Variants in TMEM217 observed in about 807,000 individuals in gnomAD.
TMEM217 encodes the protein chromosome 6 open reading frame 128.
For missense variants in TMEM217, 204 were observed against 248.8 expected, an observed-to-expected ratio of 0.82 and a Z score of 1.21; for synonymous variants, 76 against 88.3, an observed-to-expected ratio of 0.86 and a Z score of 0.78.
downstream of TMEM217, among the ~76,000 whole-genome samples, chr6:37,213,571 C>T (rs1435688816): frequency 1.3e-5 from 2 of 152,278 alleles, no homozygotes; most frequent in Non-Finnish European, 2.9e-5. Flanking sequence ...CCAGGCAAGA[C>T]TCTGCCCAGG....
downstream of TMEM217, among the ~76,000 whole-genome samples, chr6:37,213,730 C>T (rs1486793279): frequency 2.0e-5 from 3 of 152,236 alleles, no homozygotes; most frequent in African/African-American, 7.2e-5. Flanking sequence ...CTGCTGAGGG[C>T]ATGTTGATAA....
At chr6:37,224,354 T>C (rs980242224) in intron 1 of TMEM217, among the ~76,000 whole-genome samples, 2 of 151,176 alleles carry the variant, frequency 1.3e-5, no homozygotes, top group African/African-American at 4.9e-5. Flanking sequence ...ATCCCAGCAC[T>C]TTGGGAGGCT....
At position 37,232,666 on chromosome 6, in the gene TMEM217, A is replaced by G. The variant is rs565545635; in HGVS notation, c.-11-13625T>C. On this transcript the variant is annotated intron_variant, in intron 1 of 1. Coordinates refer to ENST00000357219, the Ensembl canonical transcript of TMEM217. The stretch of plus-strand genomic sequence containing the variant: ...CCAGATCCACAAACCCCATTTCCAC[A>G]TATACACTCCCTTCCTTTGTTACAA... 2.2e-4 allele frequency among the ~76,000 whole-genome samples: 33 copies of G among 152,272 alleles called. No individual in the cohort carries two copies. In the East Asian group the frequency reaches 6.2e-3, roughly 28 times the overall value.
At chr6:37,216,881 C>T (rs1048798299), downstream of TMEM217, among the ~76,000 whole-genome samples, 1 of 152,152 alleles carries the variant, frequency 6.6e-6, no homozygotes, top group African/African-American at 2.4e-5. Flanking sequence ...ACAGTGTTTG[C>T]ACCATCTTAG....
exon 4 of TMEM217, chr6:37,212,605 T>A (rs1177759440): frequency 8.2e-6 from 4 of 487,462 alleles, no homozygotes; most frequent in South Asian, 6.2e-5. Flanking sequence ...GAAGATCCAG[T>A]GCAAATAACT....
chr6:37,255,978 C>T (rs950818126), intron 1 of TMEM217, among the ~76,000 whole-genome samples: 3 of 152,142 alleles, frequency 2.0e-5, no homozygotes, highest in Admixed American at 6.5e-5. Flanking sequence ...GTTAACTACA[C>T]CCCCTGGGAA....
chr6:37,249,447 G>A (rs60135241), intron 1 of TMEM217, among the ~76,000 whole-genome samples: 4,844 of 152,168 alleles, frequency 0.032, 242 homozygotes, highest in African/African-American at 0.11. Context: ...AGCCTCCCAA[G>A]TAGCTGGGAC....
intron 1 of TMEM217, among the ~76,000 whole-genome samples, chr6:37,229,759 C>G (rs192057734): frequency 6.6e-6 from 1 of 152,320 alleles, no homozygotes; most frequent in Admixed American, 6.5e-5. Context: ...TGTGCTGACT[C>G]TGCAGTTGGT....
intron 1 of TMEM217, among the ~76,000 whole-genome samples, chr6:37,246,466 C>G (rs1031485694): frequency 3.9e-5 from 6 of 152,180 alleles, no homozygotes; most frequent in African/African-American, 1.4e-4. Context: ...GGCCAGAAGT[C>G]TTGCAGGGAA....
chr6:37,227,320 T>G (rs1763893512), intron 1 of TMEM217, among the ~76,000 whole-genome samples: 1 of 152,256 alleles, frequency 6.6e-6, no homozygotes, highest in Non-Finnish European at 1.5e-5. Flanking sequence ...AGGGCCATTA[T>G]GTTCCTTTCT....
At chr6:37,214,918 T>C (rs569904117), downstream of TMEM217, among the ~76,000 whole-genome samples, 14 of 152,292 alleles carry the variant, frequency 9.2e-5, no homozygotes, top group East Asian at 2.7e-3. Flanking sequence ...TCTGCTCGGT[T>C]CACAGCGCAG....
chr6:37,235,729 T>A (rs1291358701), intron 1 of TMEM217, among the ~76,000 whole-genome samples: 1 of 152,202 alleles, frequency 6.6e-6, no homozygotes, highest in Non-Finnish European at 1.5e-5. Flanking sequence ...CATTAGTGTC[T>A]GGTGAGGACT....
At chr6:37,218,718 C>T in exon 2 of TMEM217, 1 of 1,614,028 alleles carries the variant, frequency 6.2e-7, no homozygotes, top group Non-Finnish European at 8.5e-7. Context: ...TTTGCAGTTT[C>T]ATAGAAAAAA....
intron 1 of TMEM217, among the ~76,000 whole-genome samples, chr6:37,222,832 A>C (rs544905493): frequency 6.6e-6 from 1 of 152,286 alleles, no homozygotes; most frequent in East Asian, 1.9e-4. Flanking sequence ...CCGGGCTTCC[A>C]CCGGCTCCAT....
At chr6:37,257,266 C>G (rs1329977570) in intron 1 of TMEM217, among the ~76,000 whole-genome samples, 2 of 152,162 alleles carry the variant, frequency 1.3e-5, no homozygotes, top group Non-Finnish European at 2.9e-5. Flanking sequence ...TCTGATGAAC[C>G]GTTGCTCACG....
In TMEM217 at chr6:37,219,061, G is replaced by A; in HGVS notation, c.-11-20C>T. On this transcript the variant is annotated intron_variant, in intron 1 of 1. Transcript: ENST00000357219. Reference sequence around the variant, plus strand: ...GACCTCCTGTGAAGACAAACAACATGAGGGAGAATTCTAGTTCCTGCCAAC... The same window carrying A: ...GACCTCCTGTGAAGACAAACAACATAAGGGAGAATTCTAGTTCCTGCCAAC... 2 of 1,590,726 alleles carry A rather than the reference G, an allele frequency of 1.3e-6. No individual in the cohort carries two copies. Among genetic ancestry groups the A allele is most frequent in the East Asian group, 4.5e-5 (2 of 44,550 alleles).
At chr6:37,231,272 G>A (rs1269576105) in intron 1 of TMEM217, among the ~76,000 whole-genome samples, 4 of 126,310 alleles carry the variant, frequency 3.2e-5, no homozygotes, top group Admixed American at 1.0e-4. Context: ...CTTTCACCAC[G>A]TTGGCCAGGC....
intron 1 of TMEM217, among the ~76,000 whole-genome samples, chr6:37,252,637 ATTT>A (rs374265453): frequency 7.4e-4 from 53 of 71,354 alleles, no homozygotes; most frequent in African/African-American, 2.4e-3. Context: ...ATATATATAT[ATTT>A]TTTTTTTTTT....
downstream of TMEM217, chr6:37,215,134 G>T: frequency 1.3e-6 from 2 of 1,597,020 alleles, no homozygotes; most frequent in Non-Finnish European, 1.7e-6. Context: ...TATAATAATG[G>T]CCTAACTTCC....
Sources: allele counts gnomAD v4.1 joint callset (sites outside exome capture counted in the v4.1 genomes callset), GRCh38; gene constraint gnomAD v4.1.1; transcripts MANE v1.5; gene names NCBI Gene and HGNC (gene_info 2026-07-23, HGNC 2026-07-21).